Variants in GALNT2 observed in about 807,000 individuals in gnomAD.
The protein encoded by GALNT2 is UDP-GalNAc:polypeptide N-acetylgalactosaminyltransferase 2.
GALNT2 carries 31 observed loss-of-function variants against 81.4 expected under a neutral mutation model. The observed-to-expected ratio is 0.38, with a 90% CI of 0.29 to 0.51. The LOEUF (loss-of-function observed/expected upper bound fraction) is 0.51. GALNT2 is among the 20% of genes least tolerant of loss of function. The pLI is 0.87. For missense variants in GALNT2, 629 were observed against 765.7 expected (o/e 0.82, Z 2.11); for synonymous variants, 303 against 287.4 (o/e 1.05, Z -0.55).
At chr1:230,175,844 T>C (rs1420519773) in intron 1 of GALNT2, among the ~76,000 whole-genome samples, 1 of 151,804 alleles carries the variant, frequency 6.6e-6, no homozygotes, top group African/African-American at 2.4e-5. Flanking sequence ...AGAATCAGGC[T>C]CTTATAATTT....
intron 1 of GALNT2, among the ~76,000 whole-genome samples, chr1:230,078,444 C>G (rs963664595): frequency 5.3e-5 from 8 of 152,300 alleles, no homozygotes; most frequent in African/African-American, 1.4e-4. Flanking sequence ...CAGCTGAAAA[C>G]TAGTATTTTT....
chr1:230,214,332 G>A (rs1664323473), intron 3 of GALNT2, among the ~76,000 whole-genome samples: 1 of 152,086 alleles, frequency 6.6e-6, no homozygotes, highest in Admixed American at 6.5e-5. Flanking sequence ...GGCCGGTCTT[G>A]AACTCCTGAC....
At chr1:230,104,301 T>G (rs895753123) in intron 1 of GALNT2, among the ~76,000 whole-genome samples, 1 of 152,214 alleles carries the variant, frequency 6.6e-6, no homozygotes, top group African/African-American at 2.4e-5. Flanking sequence ...CTTAAAAAGC[T>G]GAAATCTTAT....
intron 3 of GALNT2, among the ~76,000 whole-genome samples, chr1:230,235,706 G>A (rs1490238516): frequency 6.6e-6 from 1 of 152,166 alleles, no homozygotes; most frequent in Non-Finnish European, 1.5e-5. Flanking sequence ...AGGTGTATCT[G>A]CTTGAGAGTA....
rs1666252518 is a variant in GALNT2, at chr1:230,275,057, CAT to C, written c.1560+499_1560+500del. On this transcript the variant is annotated intron_variant, in intron 15 of 15. Transcript: ENST00000366672. This position sits in a 1 kb window ranked among gnomAD's most constrained non-coding sequence, Gnocchi z 5.5. ...CATATATACACATATATACATGCCA[CAT>C]ATATACGTATATATATACACACCAC... 1.3e-5 allele frequency among the ~76,000 whole-genome samples: 2 copies of C among 149,652 alleles called. No individual in the cohort carries two copies.
chr1:230,273,132 G>A (rs540327647), intron 14 of GALNT2, among the ~76,000 whole-genome samples: 1 of 152,150 alleles, frequency 6.6e-6, no homozygotes, highest in Non-Finnish European at 1.5e-5. Context: ...ACATGATACA[G>A]ATACTAGACA....
intron 2 of GALNT2, among the ~76,000 whole-genome samples, chr1:230,183,896 G>A (rs543950146): frequency 3.6e-4 from 54 of 151,974 alleles, no homozygotes; most frequent in African/African-American, 1.2e-3. Flanking sequence ...GAGAATCGCT[G>A]GAACCTGGGA....
Position 230,271,066 on chromosome 1 carries a change from G to A in GALNT2, c.1441-3379G>A, listed in dbSNP as rs765186293. ...GCATCCGCCAACACCTGCTGCCAGG[G>A]ACAGTCTGGAACCCTTCTCCATACC... On this transcript the variant is annotated intron_variant, in intron 14 of 15. Transcript: ENST00000366672. The surrounding 1 kb of genome is among the most constrained non-coding windows in gnomAD (Gnocchi z 4.2). Among the ~76,000 whole-genome samples the A allele has an allele frequency of 3.3e-5, 5 of 152,206 alleles. No individual in the cohort carries two copies. The highest frequency in any genetic ancestry group is 7.3e-5 in the Non-Finnish European group (5 of 68,036).
At chr1:230,227,047 A>T (rs759601663) in intron 3 of GALNT2, among the ~76,000 whole-genome samples, 44 of 151,460 alleles carry the variant, frequency 2.9e-4, no homozygotes, top group Admixed American at 8.5e-4. Context: ...TATTAGGTGT[A>T]AAAAAGCAGA....
chr1:230,095,070 C>T (rs1281449208), intron 1 of GALNT2, among the ~76,000 whole-genome samples: 3 of 152,100 alleles, frequency 2.0e-5, no homozygotes, highest in East Asian at 1.9e-4. Context: ...GGTCCTCATA[C>T]GGTTCCTTTC....
chr1:230,136,512 C>G (rs1425847162), intron 1 of GALNT2, among the ~76,000 whole-genome samples: 1 of 152,184 alleles, frequency 6.6e-6, no homozygotes, highest in Non-Finnish European at 1.5e-5. Context: ...CCAGCACATG[C>G]ATGCACCCCC....
intron 1 of GALNT2, among the ~76,000 whole-genome samples, chr1:230,174,705 G>A (rs1220482376): frequency 6.6e-6 from 1 of 152,022 alleles, no homozygotes; most frequent in Non-Finnish European, 1.5e-5. Context: ...TCTTCCCATT[G>A]CTGCATTACT....
At chr1:230,245,970 C>A in intron 7 of GALNT2, 93 bp from the exon 8 acceptor site, 1 of 1,060,552 alleles carries the variant, frequency 9.4e-7, no homozygotes, top group Non-Finnish European at 1.5e-6. Flanking sequence ...GTTGGGTTTG[C>A]CCTGTGCCTG....
intron 1 of GALNT2, among the ~76,000 whole-genome samples, chr1:230,121,566 G>A (rs1018159242): frequency 6.6e-6 from 1 of 152,190 alleles, no homozygotes; most frequent in Admixed American, 6.5e-5. Context: ...TCAAGGCAAG[G>A]TTTGAGGGGA....
rs1005099922 is a variant in GALNT2, at chr1:230,134,170, G to A, written c.127-44048G>A. Among the ~76,000 whole-genome samples, 3 of 149,286 alleles carry A rather than the reference G, an allele frequency of 2.0e-5. No individual in the cohort carries two copies. In the South Asian group the frequency reaches 6.4e-4, roughly 32 times the overall value. On this transcript the variant is annotated intron_variant, in intron 1 of 15. Transcript: ENST00000366672. ...TGTCACCAGGCTGGAATGCAGTGGC[G>A]CAATCTCAGCTCACTGCAAGCTCTG...
intron 3 of GALNT2, among the ~76,000 whole-genome samples, chr1:230,227,759 A>G (rs1664758335): frequency 1.3e-5 from 2 of 152,166 alleles, no homozygotes; most frequent in African/African-American, 4.8e-5. Context: ...TCTGTAAAAC[A>G]TCTATGGCAA....
At chr1:230,199,285 G>A (rs909140619) in intron 2 of GALNT2, among the ~76,000 whole-genome samples, 6 of 152,106 alleles carry the variant, frequency 3.9e-5, no homozygotes, top group Non-Finnish European at 7.3e-5. Context: ...GTTTGCGTGG[G>A]GTTGGGCTGG....
intron 1 of GALNT2, among the ~76,000 whole-genome samples, chr1:230,147,689 C>G (rs1248143313): frequency 6.6e-6 from 1 of 152,246 alleles, no homozygotes; most frequent in Non-Finnish European, 1.5e-5. Flanking sequence ...TGAGGCTAAA[C>G]AGTCACTGTT....
chr1:230,263,266 T>TGGCTTGTTCTC, intron 13 of GALNT2: 1 of 454,276 alleles, frequency 2.2e-6, no homozygotes, highest in Non-Finnish European at 4.0e-6. Flanking sequence ...ACCTTGTTTT[T>TGGCTTGTTCTC]GGCTTGTTCT....
Sources: gnomAD v4.1 joint callset for allele counts (sites outside exome capture counted in the v4.1 genomes callset) on GRCh38, gnomAD v4.1.1 for gene constraint, Gnocchi (gnomAD v3.1) non-coding constraint, MANE v1.5 for transcripts, NCBI Gene and HGNC (gene_info 2026-07-23, HGNC 2026-07-21) for gene names.